Variants in UGT2B10 observed in about 807,000 individuals in gnomAD.
UGT2B10 encodes UDP glucuronosyltransferase family 2 member B10, also known as UDP-glucuronosyltransferase 2B10.
Under a neutral mutation model 43.7 loss-of-function variants are expected in UGT2B10, and 51 were observed. The observed-to-expected ratio is 1.17, with a 90% confidence interval of 0.93 to 1.47. The LOEUF (loss-of-function observed/expected upper bound fraction) is 1.47, where lower values mean the gene tolerates loss of function less well. Among genes scored for constraint, UGT2B10 ranks in the 40% most tolerant of loss-of-function variants. The pLI, the probability that UGT2B10 is intolerant of heterozygous loss-of-function variation, is 0.00. For synonymous variants in UGT2B10, 225 were observed against 209.0 expected (o/e 1.08, Z -0.66); for missense variants, 696 against 617.7 (o/e 1.13, Z -1.34).
chr4:68,827,902 T>C (rs1266171907), intron 5 of UGT2B10, among the ~76,000 whole-genome samples: 1 of 151,166 alleles, frequency 6.6e-6, no homozygotes, highest in African/African-American at 2.4e-5. Flanking sequence ...ATATCTAAAA[T>C]GTCTCAGAAT....
intron 1 of UGT2B10, 90 bp downstream of exon 1, chr4:68,816,827 G>T (rs1423156716): frequency 2.7e-6 from 3 of 1,101,238 alleles, no homozygotes; most frequent in East Asian, 2.5e-5. Context: ...TCAGGGAAGT[G>T]GAGTTTTTGG....
chr4:68,830,811 A>T lies in UGT2B10; in HGVS notation c.1519A>T (p.Ile507Phe). The change falls in exon 6 of 6, where the codon ATC (isoleucine) becomes TTC (phenylalanine). Residue 507 changes from isoleucine to phenylalanine, a missense_variant. Physicochemically the swap from Ile to Phe is conservative, Grantham distance 21 (BLOSUM62 0). Transcript: ENST00000265403. ...LACVATVLFI[I>F]TKCCLFCFWK... ...TTGTGTGGCAACCGTGCTATTTATC[A>T]TCACAAAGTGTTGTCTGTTTTGTTT... 2 of 1,613,270 alleles carry T rather than the reference A, an allele frequency of 1.2e-6. No homozygotes were observed. The highest frequency in any genetic ancestry group is 1.3e-5 in the African/African-American group (1 of 74,954).
chr4:68,827,549 G>T lies in UGT2B10; in HGVS notation c.1307+1G>T. On this transcript the variant is annotated splice_donor_variant, in intron 5 of 5. Transcript: ENST00000265403. LOFTEE classifies it high-confidence loss of function. ...TGAAGACAGTAATTAATGATCCTTC[G>T]TGAGTAGAACAATATTTTTCACTAG... The T allele has an allele frequency of 1.2e-6, 2 of 1,613,108 alleles. No individual in the cohort carries two copies. Among genetic ancestry groups the T allele is most frequent in the Non-Finnish European group, 1.7e-6 (2 of 1,179,340 alleles).
Position 68,816,307 on chromosome 4 carries a change from G to A in UGT2B10, c.288G>A (p.Leu96=). 6.2e-7 allele frequency: 1 copy of A among 1,613,056 alleles called. No individual in the cohort carries two copies. Among genetic ancestry groups the A allele is most frequent in the Non-Finnish European group, 8.5e-7 (1 of 1,179,410 alleles). ...ENIIMQLVKR[L]SEIQKDTFWL... Reference sequence around the variant, plus strand: ...TCATCATGCAATTGGTTAAGAGATTGTCAGAAATTCAAAAAGATACATTTT... The same window carrying A: ...TCATCATGCAATTGGTTAAGAGATTATCAGAAATTCAAAAAGATACATTTT... The change falls in exon 1 of 6, where the codon TTG becomes TTA. Residue 96 remains leucine (L), a synonymous_variant. Coordinates refer to ENST00000265403, the MANE Select transcript of UGT2B10 (RefSeq NM_001075.6).
chr4:68,824,083 A>G (rs1737648528), intron 3 of UGT2B10, among the ~76,000 whole-genome samples: 1 of 152,202 alleles, frequency 6.6e-6, no homozygotes, highest in East Asian at 1.9e-4. Flanking sequence ...AAAGTCTGAC[A>G]TGCATCATGC....
intron 3 of UGT2B10, among the ~76,000 whole-genome samples, chr4:68,824,447 G>T (rs906934259): frequency 2.0e-5 from 3 of 152,122 alleles, no homozygotes; most frequent in Non-Finnish European, 4.4e-5. Flanking sequence ...ATATAGGAAG[G>T]AGACAAACAG....
chr4:68,827,469 G>A lies in UGT2B10; in HGVS notation c.1228G>A (p.Ala410Thr), dbSNP rs71615102. 6.3e-5 allele frequency: 101 copies of A among 1,613,044 alleles called. 1 individual carries two copies. The Middle Eastern group carries it at 8.3e-4, about 13-fold the overall frequency. ...DNIAHMKAKG[A>T]AVRVDFNTMS... ...TATTGCTCACATGAAGGCCAAGGGAGCAGCTGTTAGAGTGGACTTCAACAC... is the reference window on the plus strand; with the variant it reads ...TATTGCTCACATGAAGGCCAAGGGAACAGCTGTTAGAGTGGACTTCAACAC... The change falls in exon 5 of 6, where the codon GCA becomes ACA. Residue 410 changes from alanine to threonine, a missense_variant. Physicochemically the swap from Ala to Thr is moderately conservative, Grantham distance 58 (BLOSUM62 0). Transcript: ENST00000265403.
Position 68,831,267 on chromosome 4 carries a change from A to C in UGT2B10, c.*388A>C. The C allele has an allele frequency of 5.5e-6, 1 of 180,894 alleles. No homozygotes were observed. Among genetic ancestry groups the C allele is most frequent in the Non-Finnish European group, 1.2e-5 (1 of 86,502 alleles). The allele number at this position is 180,894 out of a possible 1,614,324, so 11.2% of individuals were successfully genotyped here. Reference sequence around the variant, plus strand: ...TGTCACCATGTCCAACTAATTTTTTATTTTTTGTAGTGATGAGATCTCATT... The same window carrying C: ...TGTCACCATGTCCAACTAATTTTTTCTTTTTTGTAGTGATGAGATCTCATT... On this transcript the variant is annotated 3_prime_UTR_variant, in exon 6 of 6. Transcript: ENST00000265403.
intron 4 of UGT2B10, 72 bp downstream of exon 4, chr4:68,826,569 C>G: frequency 6.7e-7 from 1 of 1,490,688 alleles, no homozygotes; most frequent in Non-Finnish European, 9.1e-7. Context: ...CATCTCGAAG[C>G]ATGCTTATTG....
chr4:68,829,021 A>G (rs951125868), intron 5 of UGT2B10, among the ~76,000 whole-genome samples: 1 of 152,040 alleles, frequency 6.6e-6, no homozygotes, highest in Non-Finnish European at 1.5e-5. Context: ...TCTCAATTAT[A>G]TACCCAACAG....
rs748755708 is a variant in UGT2B10 at position 68,827,315 on chromosome 4, T to G, written c.1088-14T>G. 1 of 1,612,684 alleles carries G rather than the reference T, an allele frequency of 6.2e-7. No homozygotes were observed. The highest frequency in any genetic ancestry group is 1.7e-5 in the Admixed American group (1 of 59,774). ...TTCCTATGAATAATTTTGCTAAAAT[T>G]CATCCAATCCTAGGTCATCCAAAAA... On this transcript the variant is annotated splice_polypyrimidine_tract_variant and intron_variant, in intron 4 of 5. Transcript: ENST00000265403.
At chr4:68,821,968 T>C (rs1737522910) in intron 2 of UGT2B10, among the ~76,000 whole-genome samples, 1 of 152,106 alleles carries the variant, frequency 6.6e-6, no homozygotes, top group Non-Finnish European at 1.5e-5. Context: ...AGTCTGGGTA[T>C]ATGTTTTAAC....
At chr4:68,826,599 CA>C (rs1298413028) in intron 4 of UGT2B10, 102 bp downstream of exon 4, 5 of 1,341,114 alleles carry the variant, frequency 3.7e-6, no homozygotes, top group South Asian at 1.5e-5. Context: ...TATAGGAAAA[CA>C]AAAAAGAACT....
Position 68,816,612 on chromosome 4 carries a change from C to A in UGT2B10, c.593C>A (p.Ser198Ter). ...FPPSYVPVVM[S>*]KLSDQMTFME... The stretch of plus-strand genomic sequence containing the variant: ...CCTTCCTACGTACCTGTTGTTATGT[C>A]AAAATTAAGTGATCAAATGACTTTC... Residue 198 changes from serine to a stop codon, truncating the protein, a stop_gained, in exon 1 of 6, where the codon TCA (serine) becomes TAA (stop). Transcript: ENST00000265403. LOFTEE classifies it high-confidence loss of function. 1 of 1,612,828 alleles carries A rather than the reference C, an allele frequency of 6.2e-7. No individual in the cohort carries two copies. The highest frequency in any genetic ancestry group is 8.5e-7 in the Non-Finnish European group (1 of 1,179,260).
Position 68,818,082 on chromosome 4 carries a change from C to T in UGT2B10, c.772C>T (p.Arg258Ter), listed in dbSNP as rs186814479. 31 of 1,611,282 alleles carry T rather than the reference C, an allele frequency of 1.9e-5. No homozygotes were observed. The highest frequency in any genetic ancestry group is 5.3e-5 in the African/African-American group (4 of 74,848). The change falls in exon 2 of 6, where the codon CGA becomes TGA. Residue 258 changes from arginine (R) to a stop codon, truncating the protein, a stop_gained. Transcript: ENST00000265403. LOFTEE classifies it high-confidence loss of function. ...GAGGAAAGCTGACATATGGCTTATG[C>T]GAAACTCCTGGAATTTTAAATTTCC... ...TMRKADIWLM[R>*]NSWNFKFPHP...
chr4:68,830,455 A>C (rs1738030477), intron 5 of UGT2B10, 145 bp from the exon 6 acceptor site: 8 of 1,072,272 alleles, frequency 7.5e-6, no homozygotes, highest in Non-Finnish European at 9.7e-6. Context: ...TTGTATGATG[A>C]CTCAAATTAA....
At chr4:68,828,804 G>A (rs1287817161) in intron 5 of UGT2B10, among the ~76,000 whole-genome samples, 1 of 151,834 alleles carries the variant, frequency 6.6e-6, no homozygotes, top group African/African-American at 2.4e-5. Flanking sequence ...AGTGGCATGT[G>A]GTGGGAAATA....
intron 3 of UGT2B10, among the ~76,000 whole-genome samples, chr4:68,825,776 T>G (rs1175815921): frequency 2.0e-5 from 3 of 152,160 alleles, no homozygotes; most frequent in Admixed American, 1.3e-4. Flanking sequence ...TCCTTGCTAT[T>G]GTGAATAGTA....
intron 2 of UGT2B10, 80 bp downstream of exon 2, chr4:68,818,257 T>A: frequency 6.4e-7 from 1 of 1,569,130 alleles, no homozygotes; most frequent in Non-Finnish European, 8.6e-7. Context: ...TTCAGAGTGT[T>A]TGACTAACAC....
Sources: gnomAD v4.1 joint callset for allele counts (sites outside exome capture counted in the v4.1 genomes callset) on GRCh38, gnomAD v4.1.1 for gene constraint, MANE v1.5 for transcripts, NCBI Gene and HGNC (gene_info 2026-07-23, HGNC 2026-07-21) for gene names.